The following ANO4 variants were observed in gnomAD, a reference collection of about 807,000 sequenced individuals.
ANO4 encodes anoctamin-4.
Under a neutral mutation model 141.9 loss-of-function variants are expected in ANO4, and 69 were observed. That is an observed-to-expected ratio of 0.49 (90% CI 0.40 to 0.59). The LOEUF (loss-of-function observed/expected upper bound fraction) is 0.59. Among genes scored for constraint, ANO4 ranks in the 20% least tolerant of loss-of-function variants. The probability of loss-of-function intolerance (pLI) is 0.00; values close to 1 mark genes in which losing one functional copy is unlikely to be tolerated. For synonymous variants in ANO4, 350 were observed against 394.3 expected (o/e 0.89, Z 1.33); for missense variants, 894 against 1,162.2 (o/e 0.77, Z 3.36).
intron 1 of ANO4, among the ~76,000 whole-genome samples, chr12:100,868,244 TCCCTCTCAAAGACA>T (rs2038858377): frequency 6.6e-6 from 1 of 152,086 alleles, no homozygotes; most frequent in Non-Finnish European, 1.5e-5. Context: ...CATTGTTGGG[TCCCTCTCAAAGACA>T]CCCAGCCACT....
At chr12:100,734,580 C>T (rs779405261) in intron 2 of ANO4, among the ~76,000 whole-genome samples, 5 of 152,216 alleles carry the variant, frequency 3.3e-5, no homozygotes, top group Non-Finnish European at 4.4e-5. Context: ...TTAATCAGAA[C>T]TCTATGAGCA....
chr12:100,942,611 C>A (rs577619717), intron 5 of ANO4, 76 bp downstream of exon 5: 1 of 1,462,410 alleles, frequency 6.8e-7, no homozygotes, highest in Non-Finnish European at 9.3e-7. Flanking sequence ...AATAAGCAAG[C>A]AGTCTTAATG....
intron 3 of ANO4, among the ~76,000 whole-genome samples, chr12:100,776,166 C>A (rs2033496027): frequency 6.6e-6 from 1 of 152,136 alleles, no homozygotes; most frequent in African/African-American, 2.4e-5. Flanking sequence ...GGTAAAGTAA[C>A]CTGTCCAGTT....
intron 1 of ANO4, among the ~76,000 whole-genome samples, chr12:100,900,608 C>T (rs1197266469): frequency 6.6e-6 from 1 of 152,096 alleles, no homozygotes. Flanking sequence ...GGAACATATA[C>T]ACCACGGAAT....
chr12:100,888,961 T>C (rs1265276039), intron 1 of ANO4, among the ~76,000 whole-genome samples: 1 of 151,794 alleles, frequency 6.6e-6, no homozygotes, highest in Non-Finnish European at 1.5e-5. Flanking sequence ...GCATGTGCCA[T>C]GCTGCTGTGC....
chr12:101,110,894 T>C (rs1207251766), intron 23 of ANO4, among the ~76,000 whole-genome samples: 4 of 152,248 alleles, frequency 2.6e-5, no homozygotes, highest in African/African-American at 9.6e-5. Context: ...TGATTTGTTC[T>C]TTCCTAAATG....
In ANO4 at chr12:100,922,237, G is replaced by T; in HGVS notation, c.67G>T (p.Asp23Tyr). The change falls in exon 3 of 28, where the codon GAT becomes TAT. Residue 23 changes from aspartate to tyrosine, a missense_variant. This residue lies in a region of ANO4 where 257 missense variants were observed against 253.0 expected (regional missense o/e 1.02). Coordinates refer to ENST00000392977, the MANE Select transcript of ANO4 (RefSeq NM_001286615.2). ...TTTCATTTCTCTAGAAGGAGGTGTGGATTTGCAAGGCTACCAGCTGGATAT... is the reference window on the plus strand; with the variant it reads ...TTTCATTTCTCTAGAAGGAGGTGTGTATTTGCAAGGCTACCAGCTGGATAT... ...TKVFHPEGGV[D>Y]LQGYQLDMQI... is the part of the protein sequence containing the mutation. The T allele has an allele frequency of 1.3e-6, 2 of 1,531,552 alleles. No homozygotes were observed. The highest frequency in any genetic ancestry group is 2.4e-5 in the South Asian group (2 of 83,358). The allele number at this position is 1,531,552 out of a possible 1,614,324, so 94.9% of individuals were successfully genotyped here.
chr12:100,815,556 T>C (rs1318131536), intron 1 of ANO4, among the ~76,000 whole-genome samples: 1 of 152,116 alleles, frequency 6.6e-6, no homozygotes, highest in Non-Finnish European at 1.5e-5. Context: ...TACTTTCTTA[T>C]TTGGATTACG....
intron 1 of ANO4, among the ~76,000 whole-genome samples, chr12:100,891,256 A>T (rs2040090922): frequency 6.6e-6 from 1 of 152,224 alleles, no homozygotes; most frequent in South Asian, 2.1e-4. Flanking sequence ...AAGTTTTGGC[A>T]ATTATGAATA....
chr12:101,125,637 ATGTGGTTTTT>A (rs2051281772), intron 26 of ANO4, among the ~76,000 whole-genome samples: 1 of 152,144 alleles, frequency 6.6e-6, no homozygotes, highest in African/African-American at 2.4e-5. Flanking sequence ...TGAGATAATC[ATGTGGTTTTT>A]GTCTTTAGTT....
intron 3 of ANO4, among the ~76,000 whole-genome samples, chr12:100,753,657 AT>A (rs959252379): frequency 2.6e-5 from 4 of 152,018 alleles, no homozygotes; most frequent in Admixed American, 2.6e-4. Flanking sequence ...CCCACACTGT[AT>A]TTTTTTCTCC....
In ANO4 at chr12:100,723,626, T is replaced by C. The variant is rs566919566; in HGVS notation, c.22+6079T>C. 3.9e-5 allele frequency among the ~76,000 whole-genome samples: 6 copies of C among 152,336 alleles called. No individual in the cohort carries two copies. The East Asian group carries it at 7.7e-4, about 20-fold the overall frequency. ...AACGTGGACTAAATCAACACATTGA[T>C]ATTTCTGAGGAACACACTCATGTAT... On this transcript the variant is annotated intron_variant, in intron 1 of 29. Coordinates refer to the ANO4 transcript ENST00000644049.
chr12:101,024,551 G>A (rs530491129), intron 9 of ANO4, among the ~76,000 whole-genome samples: 5 of 151,744 alleles, frequency 3.3e-5, no homozygotes, highest in Admixed American at 6.6e-5. Context: ...AGCCGAGATC[G>A]CACCACTGCA....
intron 18 of ANO4, among the ~76,000 whole-genome samples, chr12:101,094,567 A>C (rs1488712060): frequency 6.6e-6 from 1 of 152,212 alleles, no homozygotes; most frequent in Non-Finnish European, 1.5e-5. Flanking sequence ...TTACAAAAGT[A>C]CATTTGTATA....
rs116363568 is a variant in ANO4 at position 101,073,961 on chromosome 12, A to G, written c.1313-5232A>G. Among the ~76,000 whole-genome samples the G allele has an allele frequency of 8.2e-3, 1,251 of 152,252 alleles. 16 individuals carry two copies. Among genetic ancestry groups the G allele is most frequent in the African/African-American group, 0.028 (1,179 of 41,540 alleles). The stretch of plus-strand genomic sequence containing the variant: ...GGTGAAGGTAGAAAATGGAGCAGAA[A>G]AAGCATGCAAAACTCTGTCTTGTAA... On this transcript the variant is annotated intron_variant, in intron 14 of 27. Transcript: ENST00000392977.
At chr12:100,990,603 A>C (rs2045049723) in intron 8 of ANO4, among the ~76,000 whole-genome samples, 1 of 152,180 alleles carries the variant, frequency 6.6e-6, no homozygotes, top group Non-Finnish European at 1.5e-5. Flanking sequence ...CTGTCTGGGT[A>C]CAGAGGGTAT....
intron 11 of ANO4, among the ~76,000 whole-genome samples, chr12:101,041,674 A>G (rs1001734285): frequency 2.6e-5 from 4 of 152,220 alleles, no homozygotes; most frequent in Non-Finnish European, 4.4e-5. Context: ...CAGGCCCTGC[A>G]TACTTGAAAC....
intron 1 of ANO4, among the ~76,000 whole-genome samples, chr12:100,825,218 T>G (rs560240388): frequency 2.0e-5 from 3 of 151,980 alleles, no homozygotes; most frequent in Non-Finnish European, 4.4e-5. Flanking sequence ...AATTAATAAT[T>G]AGTTTGACAA....
chr12:101,039,603 A>G (rs993939360), intron 10 of ANO4, among the ~76,000 whole-genome samples: 2 of 152,242 alleles, frequency 1.3e-5, no homozygotes, highest in African/African-American at 2.4e-5. Context: ...TTCAAACCAC[A>G]TAAGAAACCA....
Sources: gnomAD v4.1 joint callset for allele counts (sites outside exome capture counted in the v4.1 genomes callset) on GRCh38, gnomAD v4.1.1 for gene constraint, gnomAD v4.1.1 regional missense constraint, MANE v1.5 for transcripts, NCBI Gene and HGNC (gene_info 2026-07-23, HGNC 2026-07-21) for gene names.